The following TRIO variants were observed in gnomAD, a reference collection of about 807,000 sequenced individuals.
The protein encoded by TRIO is triple functional domain protein.
Under a neutral mutation model 351.9 loss-of-function variants are expected in TRIO, and 58 were observed. The ratio of observed to expected loss-of-function variants is 0.16; its 90% CI spans 0.13 to 0.21. TRIO has a LOEUF of 0.21. TRIO is among the 10% of genes least tolerant of loss of function. TRIO has a pLI of 1.00. For missense variants in TRIO, 3,201 were observed against 4,027.8 expected (o/e 0.79, Z 5.56); for synonymous variants, 1,758 against 1,595.7 (o/e 1.10, Z -2.42).
chr5:14,312,034 C>T (rs980913851), intron 8 of TRIO, among the ~76,000 whole-genome samples: 1 of 152,154 alleles, frequency 6.6e-6, no homozygotes, highest in African/African-American at 2.4e-5. Context: ...GCAAGAATGT[C>T]TAGATGCTAT....
At chr5:14,461,571 C>T (rs1407796270) in intron 35 of TRIO, among the ~76,000 whole-genome samples, 23 of 152,176 alleles carry the variant, frequency 1.5e-4, no homozygotes, top group Admixed American at 1.4e-3. Flanking sequence ...TCACCATGCG[C>T]CCCAGGCCCA....
At chr5:14,241,854 A>G (rs950345651) in intron 1 of TRIO, among the ~76,000 whole-genome samples, 6 of 152,232 alleles carry the variant, frequency 3.9e-5, no homozygotes, top group South Asian at 2.1e-4. Flanking sequence ...GGGACAAATT[A>G]TATTCCATTG....
intron 11 of TRIO, among the ~76,000 whole-genome samples, chr5:14,342,521 G>A (rs1385769688): frequency 6.6e-6 from 1 of 152,170 alleles, no homozygotes; most frequent in Non-Finnish European, 1.5e-5. Context: ...TCCCATGGGA[G>A]GTGTGGCTTT....
intron 1 of TRIO, among the ~76,000 whole-genome samples, chr5:14,161,348 T>C (rs1009090040): frequency 6.6e-5 from 10 of 152,348 alleles, no homozygotes; most frequent in African/African-American, 2.4e-4. Flanking sequence ...TTCCCTCTTC[T>C]TCCTGGTTTC....
At chr5:14,201,363 T>G (rs887175480) in intron 1 of TRIO, among the ~76,000 whole-genome samples, 1 of 152,220 alleles carries the variant, frequency 6.6e-6, no homozygotes, top group Non-Finnish European at 1.5e-5. Context: ...AAGTACGACA[T>G]GAGTTAAAAT....
intron 34 of TRIO, among the ~76,000 whole-genome samples, chr5:14,426,233 CACAT>C (rs1258167625): frequency 1.3e-5 from 2 of 152,156 alleles, no homozygotes; most frequent in Non-Finnish European, 2.9e-5. Flanking sequence ...CATGTACACA[CACAT>C]GTGCACACAC....
chr5:14,337,294 A>G (rs998735484), intron 11 of TRIO, among the ~76,000 whole-genome samples: 36 of 152,212 alleles, frequency 2.4e-4, no homozygotes, highest in African/African-American at 8.2e-4. Flanking sequence ...CCTTGCATAT[A>G]TGTTATTCTT....
At chr5:14,504,864 C>A (rs1757550967) in intron 55 of TRIO, among the ~76,000 whole-genome samples, 1 of 151,764 alleles carries the variant, frequency 6.6e-6, no homozygotes, top group Non-Finnish European at 1.5e-5. Context: ...AGATGCACCC[C>A]CCCCACCCCT....
chr5:14,316,598 A>G lies in TRIO; in HGVS notation c.1586A>G (p.Asn529Ser), dbSNP rs1739400997. Residue 529 changes from asparagine to serine, a missense_variant, in exon 9 of 57, where the codon AAC (asparagine) becomes AGC (serine). Coordinates refer to ENST00000344204, the MANE Select transcript of TRIO (RefSeq NM_007118.4). ...TCCGATTCCCTGACAGCCTCTGCCAACTACTCCAAGGCCGTGCACCATGTC... is the reference window on the plus strand; with the variant it reads ...TCCGATTCCCTGACAGCCTCTGCCAGCTACTCCAAGGCCGTGCACCATGTC... ...GSSDSLTASA[N>S]YSKAVHHVLD... 10 of 1,614,196 alleles carry G rather than the reference A, an allele frequency of 6.2e-6. No homozygotes were observed. The highest frequency in any genetic ancestry group is 1.1e-5 in the South Asian group (1 of 91,084).
At chr5:14,248,924 C>T (rs1290347344) in intron 1 of TRIO, among the ~76,000 whole-genome samples, 1 of 152,182 alleles carries the variant, frequency 6.6e-6, no homozygotes, top group Non-Finnish European at 1.5e-5. Flanking sequence ...GACTTCCTGA[C>T]GGTGGTGATC....
At chr5:14,320,503 C>T (rs915670001) in intron 9 of TRIO, among the ~76,000 whole-genome samples, 1 of 152,144 alleles carries the variant, frequency 6.6e-6, no homozygotes, top group Non-Finnish European at 1.5e-5. Context: ...GCCCCCGTTT[C>T]CCCCACAGCC....
At chr5:14,301,031 C>T (rs1453699492) in intron 7 of TRIO, among the ~76,000 whole-genome samples, 7 of 152,066 alleles carry the variant, frequency 4.6e-5, no homozygotes, top group African/African-American at 1.7e-4. Context: ...TCAAGGATCC[C>T]AGCTCTGGTT....
chr5:14,255,093 T>TG (rs1794957877), intron 1 of TRIO, among the ~76,000 whole-genome samples: 1 of 152,268 alleles, frequency 6.6e-6, no homozygotes, highest in Non-Finnish European at 1.5e-5. Flanking sequence ...ATATGCCTGT[T>TG]TCTGTATTCT....
At chr5:14,369,350 G>A in intron 17 of TRIO, 24 bp from the exon 18 acceptor site, 1 of 1,586,040 alleles carries the variant, frequency 6.3e-7, no homozygotes, top group Non-Finnish European at 8.6e-7. Context: ...CCAAGTCTGA[G>A]CCTCAAACTT....
chr5:14,368,679 A>C lies in TRIO; in HGVS notation c.2875-29A>C, dbSNP rs959352757. On this transcript the variant is annotated intron_variant, in intron 16 of 56. Transcript: ENST00000344204. Reference sequence around the variant, plus strand: ...CTAGTCAGTGGGGACACTGACAAATAAGCCTTCCCTTTTGTTCTCTGTCTC... The same window carrying C: ...CTAGTCAGTGGGGACACTGACAAATCAGCCTTCCCTTTTGTTCTCTGTCTC... 13 of 1,598,572 alleles carry C rather than the reference A, an allele frequency of 8.1e-6. No homozygotes were observed. The Admixed American group carries it at 8.5e-5, about 10-fold the overall frequency.
intron 34 of TRIO, among the ~76,000 whole-genome samples, chr5:14,424,188 C>G (rs1750439736): frequency 6.6e-6 from 1 of 152,094 alleles, no homozygotes; most frequent in African/African-American, 2.4e-5. Flanking sequence ...CTCCCAGGGT[C>G]TTGCCAGCTC....
chr5:14,201,983 G>C (rs1791142055), intron 1 of TRIO, among the ~76,000 whole-genome samples: 1 of 115,794 alleles, frequency 8.6e-6, no homozygotes, highest in Non-Finnish European at 1.7e-5. Flanking sequence ...TGGGGGGAGG[G>C]GGGAGGGATA....
At chr5:14,474,861 AAC>A (rs1273113471) in intron 40 of TRIO, among the ~76,000 whole-genome samples, 3 of 152,058 alleles carry the variant, frequency 2.0e-5, no homozygotes, top group African/African-American at 7.2e-5. Flanking sequence ...TTCGTAGACA[AAC>A]ACGGGCTTGC....
chr5:14,401,001 C>G lies in TRIO; in HGVS notation c.4653C>G (p.Asp1551Glu). 1.9e-6 allele frequency: 3 copies of G among 1,614,046 alleles called. No homozygotes were observed. The highest frequency in any genetic ancestry group is 2.5e-6 in the Non-Finnish European group (3 of 1,180,002). The stretch of plus-strand genomic sequence containing the variant: ...GTGTCACAGAACATGTTGAAGGAGA[C>G]CCTTGCAAATTTGCACTGTGGGTGG... ...ELGVTEHVEG[D>E]PCKFALWVGR... The change falls in exon 31 of 57, where the codon GAC becomes GAG. Residue 1551 changes from aspartate to glutamate, a missense_variant. Coordinates refer to ENST00000344204, the MANE Select transcript of TRIO (RefSeq NM_007118.4).
Sources: allele counts gnomAD v4.1 joint callset (sites outside exome capture counted in the v4.1 genomes callset), GRCh38; gene constraint gnomAD v4.1.1; transcripts MANE v1.5; gene names NCBI Gene and HGNC (gene_info 2026-07-23, HGNC 2026-07-21).